The following RALYL variants were observed in gnomAD, a reference collection of about 807,000 sequenced individuals.
The protein encoded by RALYL is RALY RNA binding protein like.
Under a neutral mutation model 35.1 loss-of-function variants are expected in RALYL, and 29 were observed. The ratio of observed to expected loss-of-function variants is 0.83; its 90% CI spans 0.61 to 1.13. The LOEUF is 1.13. Ranked by LOEUF, RALYL falls within the 50% of genes most tolerant of loss-of-function variation. The probability of loss-of-function intolerance (pLI) is 0.00; values close to 1 mark genes in which losing one functional copy is unlikely to be tolerated. For synonymous variants in RALYL, 120 were observed against 127.6 expected (o/e 0.94, Z 0.40); for missense variants, 359 against 360.4 (o/e 1.00, Z 0.03).
chr8:84,606,215 A>G (rs1158972201), intron 2 of RALYL, among the ~76,000 whole-genome samples: 1 of 152,128 alleles, frequency 6.6e-6, no homozygotes, highest in African/African-American at 2.4e-5. Context: ...AAAAGGTGCC[A>G]ATCTGTTCCA....
At chr8:84,547,181 T>C (rs1294878140) in intron 2 of RALYL, among the ~76,000 whole-genome samples, 1 of 151,988 alleles carries the variant, frequency 6.6e-6, no homozygotes, top group Non-Finnish European at 1.5e-5. Flanking sequence ...ATTGTTCAGC[T>C]CCCACTTATT....
intron 1 of RALYL, among the ~76,000 whole-genome samples, chr8:84,224,279 C>G (rs915686551): frequency 6.6e-6 from 1 of 152,188 alleles, no homozygotes; most frequent in Non-Finnish European, 1.5e-5. Flanking sequence ...ACTTTTGGCT[C>G]TGTACAGCTC....
At chr8:84,486,285 A>C in intron 1 of RALYL, among the ~76,000 whole-genome samples, 1 of 127,390 alleles carries the variant, frequency 7.8e-6, no homozygotes, top group South Asian at 2.9e-4. Context: ...TTATATATAC[A>C]TATATATAAT....
At chr8:84,424,522 G>A (rs1454913349) in intron 1 of RALYL, among the ~76,000 whole-genome samples, 1 of 150,086 alleles carries the variant, frequency 6.7e-6, no homozygotes. Context: ...AGAGTAATTC[G>A]ATCGTCTGAA....
chr8:84,576,147 C>T (rs912073770), intron 2 of RALYL, among the ~76,000 whole-genome samples: 1 of 151,930 alleles, frequency 6.6e-6, no homozygotes, highest in African/African-American at 2.4e-5. Flanking sequence ...TTTCTTCAAG[C>T]GTTTACTTGC....
chr8:84,492,861 T>C (rs376028758), intron 1 of RALYL, among the ~76,000 whole-genome samples: 1 of 152,112 alleles, frequency 6.6e-6, no homozygotes, highest in Non-Finnish European at 1.5e-5. Flanking sequence ...TTATTTTACA[T>C]TTTGCACACC....
intron 3 of RALYL, among the ~76,000 whole-genome samples, chr8:84,783,514 T>A (rs1396079418): frequency 1.3e-5 from 2 of 152,212 alleles, no homozygotes; most frequent in African/African-American, 4.8e-5. Flanking sequence ...TCATTCTAAC[T>A]GTTTCTGGTA....
chr8:84,829,782 A>G (rs1830490685), intron 4 of RALYL, among the ~76,000 whole-genome samples: 1 of 152,138 alleles, frequency 6.6e-6, no homozygotes, highest in Non-Finnish European at 1.5e-5. Flanking sequence ...ATAGAGGGCT[A>G]GATCCCTATG....
At chr8:84,713,973 A>T (rs1233810326) in intron 2 of RALYL, among the ~76,000 whole-genome samples, 1 of 151,570 alleles carries the variant, frequency 6.6e-6, no homozygotes, top group Non-Finnish European at 1.5e-5. Context: ...AATGGATTAA[A>T]AATATGATTA....
chr8:84,789,479 A>AT (rs1434112793), intron 3 of RALYL, among the ~76,000 whole-genome samples: 7 of 151,922 alleles, frequency 4.6e-5, no homozygotes, highest in African/African-American at 1.2e-4. Flanking sequence ...TCTTTTTCTC[A>AT]TTTTTTTCCT....
chr8:84,903,293 T>C (rs1192262436), intron 8 of RALYL, among the ~76,000 whole-genome samples: 1 of 152,196 alleles, frequency 6.6e-6, no homozygotes, highest in Non-Finnish European at 1.5e-5. Context: ...AGAAAGGAAC[T>C]AATCAAGATA....
chr8:84,543,369 TC>T (rs1372765937), intron 2 of RALYL, among the ~76,000 whole-genome samples: 1 of 152,026 alleles, frequency 6.6e-6, no homozygotes, highest in Non-Finnish European at 1.5e-5. Context: ...ACTTACTATT[TC>T]CCCTTTATAG....
intron 2 of RALYL, among the ~76,000 whole-genome samples, chr8:84,587,208 T>C (rs1157731108): frequency 6.6e-6 from 1 of 152,198 alleles, no homozygotes; most frequent in Non-Finnish European, 1.5e-5. Flanking sequence ...TAGTAGAGTT[T>C]ATATTAATTT....
chr8:84,543,657 T>C (rs948847600), intron 2 of RALYL, among the ~76,000 whole-genome samples: 1 of 152,108 alleles, frequency 6.6e-6, no homozygotes, highest in Non-Finnish European at 1.5e-5. Flanking sequence ...GGTCAAATTA[T>C]TATGACTTTG....
intron 1 of RALYL, among the ~76,000 whole-genome samples, chr8:84,318,242 C>G (rs1012646047): frequency 6.6e-6 from 1 of 152,212 alleles, no homozygotes; most frequent in African/African-American, 2.4e-5. Flanking sequence ...GCCTGTGAGG[C>G]TGGGCCCTGC....
At chr8:84,860,990 A>G (rs1837987901) in intron 5 of RALYL, among the ~76,000 whole-genome samples, 1 of 152,148 alleles carries the variant, frequency 6.6e-6, no homozygotes, top group African/African-American at 2.4e-5. Context: ...ATTATTTCCT[A>G]AAAATAGATG....
In RALYL at chr8:84,777,703, G is replaced by A. The variant is rs552797720; in HGVS notation, c.332+3049G>A. On this transcript the variant is annotated intron_variant, in intron 3 of 8. Transcript: ENST00000521268. ...GTCGCTCAGGCTGGAGTGCAGTGTCGTGATCTCAGCTCAGTGCAAGCTCCG... is the reference window on the plus strand; with the variant it reads ...GTCGCTCAGGCTGGAGTGCAGTGTCATGATCTCAGCTCAGTGCAAGCTCCG... Among the ~76,000 whole-genome samples the A allele has an allele frequency of 2.0e-5, 3 of 152,176 alleles. 1 individual carries two copies. Among genetic ancestry groups the A allele is most frequent in the South Asian group, 4.1e-4 (2 of 4,820 alleles).
rs994097510 is a variant in RALYL, at chr8:84,340,942, A to C, written c.-24+156518A>C. Among the ~76,000 whole-genome samples, 3 of 152,010 alleles carry C rather than the reference A, an allele frequency of 2.0e-5. No individual in the cohort carries two copies. In the East Asian group the frequency reaches 5.8e-4, roughly 29 times the overall value. Reference sequence around the variant, plus strand: ...TTTACATTCCTACCAATACTGTATAATGGTTCCAGTTTTTCCATAATTTTG... The same window carrying C: ...TTTACATTCCTACCAATACTGTATACTGGTTCCAGTTTTTCCATAATTTTG... On this transcript the variant is annotated intron_variant, in intron 1 of 8. Transcript: ENST00000521268.
At chr8:84,228,361 T>C (rs577210661) in intron 1 of RALYL, among the ~76,000 whole-genome samples, 1 of 152,144 alleles carries the variant, frequency 6.6e-6, no homozygotes, top group East Asian at 1.9e-4. Flanking sequence ...TAGAAGAATT[T>C]TGATGGCACT....
Sources: gnomAD v4.1 joint callset for allele counts (sites outside exome capture counted in the v4.1 genomes callset) on GRCh38, gnomAD v4.1.1 for gene constraint, MANE v1.5 for transcripts, NCBI Gene and HGNC (gene_info 2026-07-23, HGNC 2026-07-21) for gene names.